The following GDA variants were observed in gnomAD, a reference collection of about 807,000 sequenced individuals.
GDA encodes guanine deaminase, also known as cytoplasmic PSD-95 interactor.
GDA carries 18 observed loss-of-function variants against 59.6 expected under a neutral mutation model. The ratio of observed to expected loss-of-function variants is 0.30; its 90% CI spans 0.21 to 0.45. The LOEUF (loss-of-function observed/expected upper bound fraction) is 0.45, where lower values mean the gene tolerates loss of function less well. GDA is among the 20% of genes least tolerant of loss of function. The pLI, the probability that GDA is intolerant of heterozygous loss-of-function variation, is 1.00. For synonymous variants in GDA, 201 were observed against 201.1 expected, an observed-to-expected ratio of 1.00 and a Z score of 0.00; for missense variants, 427 against 552.3, an observed-to-expected ratio of 0.77 and a Z score of 2.27.
At chr9:72,196,270 C>T (rs1387703370) in intron 2 of GDA, among the ~76,000 whole-genome samples, 1 of 151,798 alleles carries the variant, frequency 6.6e-6, no homozygotes, top group African/African-American at 2.4e-5. Flanking sequence ...CACCTGAGAT[C>T]AGGAGTTCAA....
At chr9:72,240,468 G>T (rs1839487859) in intron 10 of GDA, among the ~76,000 whole-genome samples, 1 of 152,122 alleles carries the variant, frequency 6.6e-6, no homozygotes, top group Non-Finnish European at 1.5e-5. Context: ...GTTTCTTTTG[G>T]CTCTTTAAAC....
intron 5 of GDA, among the ~76,000 whole-genome samples, chr9:72,215,773 T>C (rs938567059): frequency 6.6e-6 from 1 of 152,208 alleles, no homozygotes; most frequent in Non-Finnish European, 1.5e-5. Context: ...CAGCCTACTT[T>C]GGAAAGATTT....
At chr9:72,158,026 A>C (rs1828132234) in intron 1 of GDA, among the ~76,000 whole-genome samples, 1 of 152,052 alleles carries the variant, frequency 6.6e-6, no homozygotes, top group South Asian at 2.1e-4. Context: ...TTTCCATTTT[A>C]CTTCTATCAA....
chr9:72,225,606 T>C (rs1447902561), intron 7 of GDA, 71 bp from the exon 8 acceptor site: 2 of 737,458 alleles, frequency 2.7e-6, no homozygotes, highest in Non-Finnish European at 4.6e-6. Context: ...TCACACCATT[T>C]TGAGGTAGGA....
intron 1 of GDA, among the ~76,000 whole-genome samples, chr9:72,165,221 C>T (rs1000310161): frequency 5.3e-5 from 8 of 152,134 alleles, no homozygotes; most frequent in African/African-American, 1.9e-4. Context: ...GCTGCTGTTG[C>T]CCATTTACAA....
chr9:72,230,528 C>T (rs1338204437), intron 9 of GDA, among the ~76,000 whole-genome samples: 2 of 150,910 alleles, frequency 1.3e-5, no homozygotes, highest in African/African-American at 2.4e-5. Flanking sequence ...ATATGGCTGG[C>T]ACATCTCTTT....
At chr9:72,117,312 G>A (rs139593580) in intron 1 of GDA, among the ~76,000 whole-genome samples, 3 of 152,014 alleles carry the variant, frequency 2.0e-5, no homozygotes, top group Admixed American at 1.3e-4. Flanking sequence ...TTTAAAAAAG[G>A]TTTAATTAAT....
At chr9:72,124,353 T>C (rs1825775518) in intron 1 of GDA, among the ~76,000 whole-genome samples, 1 of 152,244 alleles carries the variant, frequency 6.6e-6, no homozygotes. Context: ...ATTTTATGTG[T>C]CACCAAGAAA....
intron 1 of GDA, among the ~76,000 whole-genome samples, chr9:72,155,293 C>A (rs1827760502): frequency 6.6e-6 from 1 of 152,142 alleles, no homozygotes; most frequent in South Asian, 2.1e-4. Flanking sequence ...TCTCGTGAGA[C>A]TTATTCACTA....
At chr9:72,155,661 T>C (rs1827806861) in intron 1 of GDA, among the ~76,000 whole-genome samples, 1 of 152,106 alleles carries the variant, frequency 6.6e-6, no homozygotes, top group Admixed American at 6.6e-5. Context: ...ATGATTATAT[T>C]TTGTGGTTAT....
chr9:72,148,473 C>T (rs1433794807), upstream of GDA, among the ~76,000 whole-genome samples: 1 of 152,080 alleles, frequency 6.6e-6, no homozygotes, highest in African/African-American at 2.4e-5. Flanking sequence ...AGTCCGGTGC[C>T]ACTTGGTGGT....
chr9:72,122,564 T>C lies in GDA; in HGVS notation c.-100+7731T>C, dbSNP rs77425474. On this transcript the variant is annotated intron_variant, in intron 1 of 13. Transcript: ENST00000545168. Reference sequence around the variant, plus strand: ...AATGGAACACACTATGTACACAAGATTACTCTTTGTCTTCCTCTTGCACTT... The same window carrying C: ...AATGGAACACACTATGTACACAAGACTACTCTTTGTCTTCCTCTTGCACTT... Among the ~76,000 whole-genome samples the C allele has an allele frequency of 3.1e-4, 47 of 152,156 alleles. No individual in the cohort carries two copies. In the East Asian group the frequency reaches 6.6e-3, roughly 21 times the overall value.
At chr9:72,175,246 A>G (rs1402387178) in intron 1 of GDA, among the ~76,000 whole-genome samples, 1 of 152,160 alleles carries the variant, frequency 6.6e-6, no homozygotes, top group Non-Finnish European at 1.5e-5. Flanking sequence ...AGCTCACTGC[A>G]GCCTTGAACT....
At chr9:72,221,387 A>C (rs1169022908) in intron 6 of GDA, among the ~76,000 whole-genome samples, 1 of 152,176 alleles carries the variant, frequency 6.6e-6, no homozygotes, top group Non-Finnish European at 1.5e-5. Flanking sequence ...TGGGTGCTGA[A>C]GAAGATACCC....
chr9:72,236,384 T>C lies in GDA; in HGVS notation c.989-4768T>C, dbSNP rs117686291. Among the ~76,000 whole-genome samples the C allele has an allele frequency of 6.2e-3, 938 of 152,284 alleles. 7 individuals carry two copies. The highest frequency in any genetic ancestry group is 0.024 in the Middle Eastern group (7 of 294). On this transcript the variant is annotated intron_variant, in intron 10 of 13. Coordinates refer to ENST00000358399, the MANE Select transcript of GDA (RefSeq NM_004293.5). Reference sequence around the variant, plus strand: ...ATCTCCTTTTTCCAAGACAGCGTTTTCTCATTTCTTCTTAAACTTTCTACC... The same window carrying C: ...ATCTCCTTTTTCCAAGACAGCGTTTCCTCATTTCTTCTTAAACTTTCTACC...
chr9:72,227,931 T>A lies in GDA; in HGVS notation c.823-12T>A. 1 of 1,488,662 alleles carries A rather than the reference T, an allele frequency of 6.7e-7. No homozygotes were observed. The highest frequency in any genetic ancestry group is 9.4e-7 in the Non-Finnish European group (1 of 1,067,520). 92.2% of individuals were successfully genotyped at this position (1,488,662 alleles called of 1,614,324 possible). On this transcript the variant is annotated splice_polypyrimidine_tract_variant and intron_variant, in intron 8 of 13. Coordinates refer to ENST00000358399, the MANE Select transcript of GDA (RefSeq NM_004293.5). ...GAGCGGTAAACTCCACGTAGGGCAC[T>A]CTTCTCTCCAGACAGTGATGGCACA...
intron 1 of GDA, among the ~76,000 whole-genome samples, chr9:72,140,308 T>G (rs1426489534): frequency 6.6e-6 from 1 of 152,152 alleles, no homozygotes; most frequent in East Asian, 1.9e-4. Flanking sequence ...GCTGTTGTCA[T>G]CACCTTGTGA....
chr9:72,254,868 T>C (rs1307591706), downstream of GDA, among the ~76,000 whole-genome samples: 1 of 152,230 alleles, frequency 6.6e-6, no homozygotes, highest in Non-Finnish European at 1.5e-5. Context: ...TTTTTGTTTT[T>C]GTTTTTCTTC....
At chr9:72,236,324 G>A (rs1299482555) in intron 10 of GDA, among the ~76,000 whole-genome samples, 1 of 152,140 alleles carries the variant, frequency 6.6e-6, no homozygotes, top group Non-Finnish European at 1.5e-5. Flanking sequence ...ACCGCTTGGG[G>A]ATTAGAGACA....
Sources: gnomAD v4.1 joint callset for allele counts (sites outside exome capture counted in the v4.1 genomes callset) on GRCh38, gnomAD v4.1.1 for gene constraint, MANE v1.5 for transcripts, NCBI Gene and HGNC (gene_info 2026-07-23, HGNC 2026-07-21) for gene names.